DCLK3: variants seen among roughly 807,000 people sequenced by gnomAD.
DCLK3 encodes serine/threonine-protein kinase DCLK3.
A neutral mutation model predicts 46.4 loss-of-function variants in DCLK3; 30 were observed. The ratio of observed to expected loss-of-function variants is 0.65; its 90% CI spans 0.48 to 0.88. DCLK3 has a LOEUF of 0.88. Among genes scored for constraint, DCLK3 ranks in the 40% least tolerant of loss-of-function variants. The pLI, the probability that DCLK3 is intolerant of heterozygous loss-of-function variation, is 0.00. For missense variants in DCLK3, 846 were observed against 907.1 expected, an observed-to-expected ratio of 0.93 and a Z score of 0.87; for synonymous variants, 401 against 339.2, an observed-to-expected ratio of 1.18 and a Z score of -2.00.
At position 36,738,360 on chromosome 3, in the gene DCLK3, C is replaced by A; in HGVS notation, c.807G>T (p.Trp269Cys). Residue 269 changes from tryptophan (W) to cysteine (C), a missense_variant, in exon 2 of 5, where the codon TGG becomes TGT. Trp to Cys is a radical substitution (Grantham distance 215). Transcript: ENST00000636136. ...GGGGCTTGCTACTGGGTTCTGGCTC[C>A]CATTTCCCCCTCCCCCACTTCTTCT... ...RTQKKWGRGK[W>C]EPEPSSKPPR... 1 of 1,502,512 alleles carries A rather than the reference C, an allele frequency of 6.7e-7. No homozygotes were observed. Among genetic ancestry groups the A allele is most frequent in the Non-Finnish European group, 8.9e-7 (1 of 1,128,910 alleles). 93.1% of individuals were successfully genotyped at this position (1,502,512 alleles called of 1,614,324 possible). A position where few individuals can be genotyped will look rare whatever the true frequency, so the allele number is the denominator to read the frequency against.
At chr3:36,734,339 A>G (rs998798723) in intron 2 of DCLK3, among the ~76,000 whole-genome samples, 1 of 152,198 alleles carries the variant, frequency 6.6e-6, no homozygotes, top group Non-Finnish European at 1.5e-5. Context: ...ACTCACCCAG[A>G]AAAAGGATAA....
intron 2 of DCLK3, among the ~76,000 whole-genome samples, chr3:36,726,162 G>T (rs974450572): frequency 6.6e-6 from 1 of 152,042 alleles, no homozygotes; most frequent in Non-Finnish European, 1.5e-5. Context: ...AAGATGCATC[G>T]GTGCCGCCTG....
In DCLK3 at chr3:36,721,593, C is replaced by T. The variant is rs1250012829; in HGVS notation, c.2026G>A (p.Val676Met). 6.2e-6 allele frequency: 10 copies of T among 1,614,048 alleles called. No individual in the cohort carries two copies. The highest frequency in any genetic ancestry group is 1.3e-5 in the African/African-American group (1 of 74,920). ...CCACACACAGTAAATATAGGTCTCA[C>T]CACATGCTTTGCAAGTCCAAAATCA... ...LADFGLAKHV[V>M]RPIFTVCGTP... Residue 676 changes from valine (V) to methionine (M), a missense_variant, in exon 3 of 5, where the codon GTG (valine) becomes ATG (methionine). Physicochemically the swap from Val to Met is conservative, Grantham distance 21. This residue lies in a region of DCLK3 where 247 missense variants were observed against 322.8 expected (regional missense o/e 0.77). Transcript: ENST00000636136.
chr3:36,756,908 C>T (rs917426563), intron 1 of DCLK3, among the ~76,000 whole-genome samples: 1 of 150,982 alleles, frequency 6.6e-6, no homozygotes, highest in African/African-American at 2.4e-5. Flanking sequence ...ACTCAGAGGC[C>T]CTCCAGGGGA....
intron 1 of DCLK3, among the ~76,000 whole-genome samples, chr3:36,748,464 C>T (rs1701411885): frequency 6.6e-6 from 1 of 152,162 alleles, no homozygotes; most frequent in African/African-American, 2.4e-5. Context: ...GAACAGGCCC[C>T]AGGACCCAGG....
At chr3:36,735,072 T>C (rs1296170810) in intron 2 of DCLK3, among the ~76,000 whole-genome samples, 1 of 152,184 alleles carries the variant, frequency 6.6e-6, no homozygotes, top group Non-Finnish European at 1.5e-5. Context: ...TGAGAACTTG[T>C]ATAACTGTTT....
At chr3:36,721,441 T>C (rs1045896071) in intron 3 of DCLK3, 86 bp downstream of exon 3, 1 of 1,519,142 alleles carries the variant, frequency 6.6e-7, no homozygotes, top group Non-Finnish European at 9.0e-7. Flanking sequence ...TGAGATTTAT[T>C]CCATATTGAA....
intron 2 of DCLK3, 68 bp from the exon 3 acceptor site, chr3:36,721,727 C>T (rs1455827369): frequency 6.3e-7 from 1 of 1,596,790 alleles, no homozygotes; most frequent in African/African-American, 1.3e-5. Flanking sequence ...ACTAATGAAA[C>T]AACAGCCATG....
In DCLK3 at chr3:36,738,700, C is replaced by A; in HGVS notation, c.467G>T (p.Ser156Ile). The A allele has an allele frequency of 7.6e-7, 1 of 1,323,636 alleles. No homozygotes were observed. The highest frequency in any genetic ancestry group is 3.0e-5 in the South Asian group (1 of 33,272). 82.0% of individuals were successfully genotyped at this position (1,323,636 alleles called of 1,614,324 possible). ...CCCTTCCCTGAAGAAATCAGAGACG[C>A]TCCTGATTTCCCTGCCCTTGAGGTT... is the stretch of plus-strand genomic sequence containing the variant. The part of the protein sequence containing the change: ...LFNLKGREIR[S>I]VSDFFREGDA... Residue 156 changes from serine to isoleucine, a missense_variant, in exon 2 of 5, where the codon AGC (serine) becomes ATC (isoleucine). Coordinates refer to ENST00000636136, the MANE Select transcript of DCLK3 (RefSeq NM_001394672.2).
chr3:36,760,312 C>CA (rs1575149245), intron 1 of DCLK3, among the ~76,000 whole-genome samples: 2 of 152,206 alleles, frequency 1.3e-5, no homozygotes, highest in Non-Finnish European at 2.9e-5. Context: ...AAAGAAACAA[C>CA]ATCTACATAG....
Position 36,718,116 on chromosome 3 carries a change from G to A in DCLK3, c.2154C>T (p.Gly718=), listed in dbSNP as rs1701008427. 1.2e-6 allele frequency: 2 copies of A among 1,614,190 alleles called. No individual in the cohort carries two copies. Among genetic ancestry groups the A allele is most frequent in the Admixed American group, 1.7e-5 (1 of 60,018 alleles). The change falls in exon 4 of 5, where the codon GGC becomes GGT. Residue 718 remains glycine (G), a synonymous_variant. Coordinates refer to ENST00000636136, the MANE Select transcript of DCLK3 (RefSeq NM_001394672.2). The part of the protein sequence containing the change: ...AGVILYILLC[G]FPPFRSPERD... ...TCTCAGGGCTGCGGAATGGGGGAAA[G>A]CCACACAGCAGGATATAGAGGATCA...
intron 2 of DCLK3, among the ~76,000 whole-genome samples, chr3:36,733,422 G>T (rs986452583): frequency 6.6e-6 from 1 of 152,154 alleles, no homozygotes; most frequent in African/African-American, 2.4e-5. Context: ...CACCTCTTCA[G>T]TCCCTTCCCC....
intron 1 of DCLK3, among the ~76,000 whole-genome samples, chr3:36,763,567 T>C (rs2125541483): frequency 6.6e-6 from 1 of 152,340 alleles, no homozygotes; most frequent in African/African-American, 2.4e-5. Flanking sequence ...TTCTTCTGTG[T>C]TTCTTTAGTT....
intron 2 of DCLK3, 98 bp from the exon 3 acceptor site, chr3:36,721,757 C>T: frequency 1.4e-6 from 2 of 1,451,276 alleles, no homozygotes; most frequent in Non-Finnish European, 1.9e-6. Context: ...GAAAAGCAAA[C>T]CATAAACCTA....
intron 2 of DCLK3, among the ~76,000 whole-genome samples, chr3:36,728,921 G>A (rs553323259): frequency 6.6e-6 from 1 of 152,230 alleles, no homozygotes; most frequent in East Asian, 1.9e-4. Flanking sequence ...CCCTGGACCA[G>A]CACCATCAGC....
Position 36,738,040 on chromosome 3 carries a change from G to A in DCLK3, c.1127C>T (p.Pro376Leu), listed in dbSNP as rs1487683721. The A allele has an allele frequency of 8.1e-6, 13 of 1,613,770 alleles. No homozygotes were observed. Among genetic ancestry groups the A allele is most frequent in the Admixed American group, 1.7e-5 (1 of 59,976 alleles). ...GWKGDSHRSS[P>L]RNPTQELRRP... ...CCTCAGCTCTTGAGTGGGATTCCTG[G>A]GGCTGCTCCTGTGGCTGTCACCCTT... The change falls in exon 2 of 5, where the codon CCC (proline) becomes CTC (leucine). Residue 376 changes from proline (P) to leucine (L), a missense_variant. Pro to Leu is a moderately conservative substitution (Grantham distance 98). Transcript: ENST00000636136.
At chr3:36,761,173 C>T (rs1395618843) in intron 1 of DCLK3, among the ~76,000 whole-genome samples, 3 of 152,246 alleles carry the variant, frequency 2.0e-5, no homozygotes, top group Admixed American at 6.5e-5. Flanking sequence ...CATCATGATG[C>T]CTCTACATAC....
In DCLK3 at chr3:36,721,561, T is replaced by G. The variant is rs1291240086; in HGVS notation, c.2058A>C (p.Pro686=). ...AAAGAATTTCGGGAGCTACGTAAGTTGGGGTCCCACACACAGTAAATATAG... is the reference window on the plus strand; with the variant it reads ...AAAGAATTTCGGGAGCTACGTAAGTGGGGGTCCCACACACAGTAAATATAG... ...VRPIFTVCGT[P]TYVAPEILSE... Residue 686 remains proline, a synonymous_variant, in exon 3 of 5, where the codon CCA becomes CCC. Transcript: ENST00000636136. The G allele has an allele frequency of 1.2e-6, 2 of 1,614,144 alleles. No homozygotes were observed. Among genetic ancestry groups the G allele is most frequent in the African/African-American group, 2.7e-5 (2 of 75,030 alleles).
intron 2 of DCLK3, among the ~76,000 whole-genome samples, chr3:36,730,243 C>A (rs183447686): frequency 6.6e-6 from 1 of 150,946 alleles, no homozygotes; most frequent in Non-Finnish European, 1.5e-5. Context: ...CATAAACATA[C>A]CATAATACAA....
Sources: gnomAD v4.1 joint callset for allele counts (sites outside exome capture counted in the v4.1 genomes callset) on GRCh38, gnomAD v4.1.1 for gene constraint, gnomAD v4.1.1 regional missense constraint, MANE v1.5 for transcripts, NCBI Gene and HGNC (gene_info 2026-07-23, HGNC 2026-07-21) for gene names.